The following NUMBL variants were observed in gnomAD, a reference collection of about 807,000 sequenced individuals.
NUMBL encodes the protein NUMB like endocytic adaptor protein.
In NUMBL, 20 loss-of-function variants were observed where a neutral mutation model predicts 48.9. The observed-to-expected ratio is 0.41, with a 90% CI of 0.29 to 0.59. The LOEUF (loss-of-function observed/expected upper bound fraction) is 0.59. NUMBL is among the 20% of genes least tolerant of loss of function. The probability of loss-of-function intolerance (pLI) is 0.31; values close to 1 mark genes in which losing one functional copy is unlikely to be tolerated. For synonymous variants in NUMBL, 340 were observed against 348.7 expected, an observed-to-expected ratio of 0.98 and a Z score of 0.28; for missense variants, 660 against 846.2, an observed-to-expected ratio of 0.78 and a Z score of 2.73.
rs2081960062 is a variant in NUMBL at position 40,690,491 on chromosome 19, C to T, written c.-8G>A. The stretch of plus-strand genomic sequence containing the variant: ...CGCCGCGCTGCGGGACATCCAGGGC[C>T]CGGGCGCCCCCGCCTCCCGCGGCCC... On this transcript the variant is annotated 5_prime_UTR_variant, in exon 1 of 10. Transcript: ENST00000252891. The T allele has an allele frequency of 2.3e-6, 3 of 1,283,898 alleles. No homozygotes were observed. The South Asian group carries it at 7.8e-5, about 33-fold the overall frequency. The allele number at this position is 1,283,898 out of a possible 1,614,324, so 79.5% of individuals were successfully genotyped here.
chr19:40,671,394 T>C (rs1257910068), intron 8 of NUMBL, among the ~76,000 whole-genome samples: 1 of 151,842 alleles, frequency 6.6e-6, no homozygotes, highest in Non-Finnish European at 1.5e-5. Flanking sequence ...GCAATGTCTA[T>C]GTGAGTATGT....
Position 40,666,016 on chromosome 19 carries a change from CA to C in NUMBL, c.*1451del, listed in dbSNP as rs2081803890. 6.6e-6 allele frequency: 1 copy of C among 152,140 alleles called. No individual in the cohort carries two copies. The highest frequency in any genetic ancestry group is 6.6e-5 in the Admixed American group (1 of 15,262). 9.4% of individuals were successfully genotyped at this position (152,140 alleles called of 1,614,324 possible). On this transcript the variant is annotated 3_prime_UTR_variant, in exon 10 of 10. Coordinates refer to ENST00000252891, the MANE Select transcript of NUMBL (RefSeq NM_004756.5). ...GCAAGACTGTAAAACGTTGCCACATCAGGTGACACTTTGGCCAGAGTTATGG... is the reference window on the plus strand; with the variant it reads ...GCAAGACTGTAAAACGTTGCCACATCGGTGACACTTTGGCCAGAGTTATGG...
At chr19:40,676,616 C>T (rs1423445651) in intron 7 of NUMBL, among the ~76,000 whole-genome samples, 4 of 146,912 alleles carry the variant, frequency 2.7e-5, no homozygotes, top group African/African-American at 1.0e-4. Context: ...TGCTTGAACC[C>T]GGGAGGTGGA....
At position 40,667,205 on chromosome 19, in the gene NUMBL, T is replaced by G; in HGVS notation, c.*263A>C. On this transcript the variant is annotated 3_prime_UTR_variant, in exon 10 of 10. Transcript: ENST00000252891. This position sits in a 1 kb window ranked among gnomAD's most constrained non-coding sequence, Gnocchi z 6.1. The stretch of plus-strand genomic sequence containing the variant: ...TTGTGGCCAACCCCTGTGTCTGGGG[T>G]TGGGGAAGGGGGCATTGCCAGCCTA... 2 of 471,902 alleles carry G rather than the reference T, an allele frequency of 4.2e-6. No individual in the cohort carries two copies. Among genetic ancestry groups the G allele is most frequent in the Admixed American group, 3.7e-5 (1 of 27,026 alleles). 29.2% of individuals were successfully genotyped at this position (471,902 alleles called of 1,614,324 possible).
intron 3 of NUMBL, among the ~76,000 whole-genome samples, chr19:40,683,864 C>T (rs1568431486): frequency 6.6e-6 from 1 of 151,920 alleles, no homozygotes; most frequent in Non-Finnish European, 1.5e-5. Context: ...GCAGCCTCGA[C>T]CTTCCTGGAC....
chr19:40,690,438 C>G (rs1306059951), intron 1 of NUMBL, 22 bp downstream of exon 1: 1 of 1,242,808 alleles, frequency 8.0e-7, no homozygotes, highest in Admixed American at 3.8e-5. Flanking sequence ...CGACCCGAGC[C>G]CCCCTCTCCC....
At position 40,667,652 on chromosome 19, in the gene NUMBL, G is replaced by A. The variant is rs1424576857; in HGVS notation, c.1646C>T (p.Pro549Leu). Reference protein sequence around the residue: ...AFPPPAIPSAPGSQARPRPNG... With the variant: ...AFPPPAIPSALGSQARPRPNG... ...GGGGCGAGGGCGGGCCTGGCTCCCA[G>A]GGGCACTGGGTATGGCAGGGGGCGG... is the stretch of plus-strand genomic sequence containing the variant. Residue 549 changes from proline to leucine, a missense_variant, in exon 10 of 10, where the codon CCT becomes CTT. This residue lies in a region of NUMBL where 296 missense variants were observed against 339.7 expected (regional missense o/e 0.87). Coordinates refer to ENST00000252891, the MANE Select transcript of NUMBL (RefSeq NM_004756.5). This position sits in a 1 kb window ranked among gnomAD's most constrained non-coding sequence, Gnocchi z 6.1. 1.3e-6 allele frequency: 2 copies of A among 1,562,222 alleles called. No homozygotes were observed. Among genetic ancestry groups the A allele is most frequent in the Non-Finnish European group, 1.7e-6 (2 of 1,153,300 alleles).
intron 2 of NUMBL, chr19:40,686,120 G>C: frequency 6.6e-6 from 1 of 152,072 alleles, no homozygotes; most frequent in East Asian, 1.9e-4. Context: ...ATGTGGGTCT[G>C]TGTGTGTTGT....
chr19:40,683,185 C>T (rs992694265), intron 3 of NUMBL: 15 of 616,570 alleles, frequency 2.4e-5, no homozygotes, highest in African/African-American at 9.2e-5. Context: ...GTAGTGATTC[C>T]AGTCTAGCTA....
intron 2 of NUMBL, chr19:40,686,269 C>G (rs150028623): frequency 0.012 from 1,885 of 152,628 alleles, 20 homozygotes; most frequent in Non-Finnish European, 0.018. Flanking sequence ...ATTCTCCTGC[C>G]TCAGCCTCCC....
rs998837987 is a variant in NUMBL, at chr19:40,675,979, C to T, written c.730+1253G>A. Among the ~76,000 whole-genome samples the T allele has an allele frequency of 4.6e-5, 7 of 152,184 alleles. No homozygotes were observed. In the East Asian group the frequency reaches 1.4e-3, roughly 30 times the overall value. On this transcript the variant is annotated intron_variant, in intron 7 of 9. Coordinates refer to ENST00000252891, the MANE Select transcript of NUMBL (RefSeq NM_004756.5). ...CTCCTGGGCCCAGGTGATCCTCCTG[C>T]CTCAGCCTCCTGAGGAGCTGGGACC...
At chr19:40,689,052 T>C (rs1809763047) in intron 1 of NUMBL, among the ~76,000 whole-genome samples, 1 of 152,060 alleles carries the variant, frequency 6.6e-6, no homozygotes, top group South Asian at 2.1e-4. Flanking sequence ...CTCACGTATA[T>C]AAAATCAGGT....
Position 40,670,979 on chromosome 19 carries a change from T to G in NUMBL, c.1037-959A>C, listed in dbSNP as rs551410326. ...GAGTGTGTTTCTTTTTTAAAAATAT[T>G]TATTTATTTATTTTTGACACAGGGT... is the stretch of plus-strand genomic sequence containing the variant. On this transcript the variant is annotated intron_variant, in intron 8 of 9. Transcript: ENST00000252891. Among the ~76,000 whole-genome samples, 5 of 152,144 alleles carry G rather than the reference T, an allele frequency of 3.3e-5. No individual in the cohort carries two copies. The East Asian group carries it at 9.6e-4, about 29-fold the overall frequency.
intron 9 of NUMBL, among the ~76,000 whole-genome samples, chr19:40,669,168 C>T (rs1195530099): frequency 6.6e-6 from 1 of 152,142 alleles, no homozygotes; most frequent in Non-Finnish European, 1.5e-5. Flanking sequence ...CAGGTAATCC[C>T]ACGGCTCTAA....
chr19:40,689,765 A>T (rs1384044488), intron 1 of NUMBL, among the ~76,000 whole-genome samples: 2 of 151,922 alleles, frequency 1.3e-5, no homozygotes, highest in Non-Finnish European at 2.9e-5. Context: ...TGGCCTAGGG[A>T]TCCTGTGCCC....
Position 40,667,723 on chromosome 19 carries a change from C to G in NUMBL, c.1575G>C (p.Gln525His), listed in dbSNP as rs759232395. 8.9e-6 allele frequency: 14 copies of G among 1,574,728 alleles called. No individual in the cohort carries two copies. Among genetic ancestry groups the G allele is most frequent in the Non-Finnish European group, 1.2e-5 (14 of 1,160,918 alleles). ...GCAGAGTGGCAGGCTGAGGCTGGAGCTGGGCGGCTGAGCAGAAGGCGTTTG... is the reference window on the plus strand; with the variant it reads ...GCAGAGTGGCAGGCTGAGGCTGGAGGTGGGCGGCTGAGCAGAAGGCGTTTG... ...MVANAFCSAAQLQPQPATLLG... is the reference protein window; with the variant it reads ...MVANAFCSAAHLQPQPATLLG... Residue 525 changes from glutamine (Q) to histidine (H), a missense_variant, in exon 10 of 10, where the codon CAG (glutamine) becomes CAC (histidine). Physicochemically the swap from Gln to His is conservative, Grantham distance 24. This residue lies in a region of NUMBL where 296 missense variants were observed against 339.7 expected (regional missense o/e 0.87). Coordinates refer to ENST00000252891, the MANE Select transcript of NUMBL (RefSeq NM_004756.5). The surrounding 1 kb of genome is among the most constrained non-coding windows in gnomAD (Gnocchi z 6.1).
chr19:40,686,591 A>G (rs1034756149), intron 2 of NUMBL, among the ~76,000 whole-genome samples: 1 of 152,050 alleles, frequency 6.6e-6, no homozygotes, highest in African/African-American at 2.4e-5. Context: ...AGTGTGATGA[A>G]CATCTACTTC....
rs573973443 is a variant in NUMBL, at chr19:40,670,157, G to A, written c.1037-137C>T. On this transcript the variant is annotated intron_variant, in intron 8 of 9. Transcript: ENST00000252891. ...CTGTAGTAACTAAGTGGCCATGACCGCCAAATAACTGTGCATATGTGTGTG... is the reference window on the plus strand; with the variant it reads ...CTGTAGTAACTAAGTGGCCATGACCACCAAATAACTGTGCATATGTGTGTG... The A allele has an allele frequency of 3.7e-5, 38 of 1,022,358 alleles. No homozygotes were observed. The South Asian group carries it at 4.0e-4, about 11-fold the overall frequency. The allele number at this position is 1,022,358 out of a possible 1,614,324, so 63.3% of individuals were successfully genotyped here. A position where few individuals can be genotyped will look rare whatever the true frequency, so the allele number is the denominator to read the frequency against.
chr19:40,684,824 G>A (rs2081926134), intron 2 of NUMBL: 2 of 458,358 alleles, frequency 4.4e-6, no homozygotes, highest in Non-Finnish European at 7.8e-6. Context: ...CTGGGGTGGG[G>A]GGTATGGGGC....
Sources: gnomAD v4.1 joint callset for allele counts (sites outside exome capture counted in the v4.1 genomes callset) on GRCh38, gnomAD v4.1.1 for gene constraint, gnomAD v4.1.1 regional missense constraint, Gnocchi (gnomAD v3.1) non-coding constraint, MANE v1.5 for transcripts, NCBI Gene and HGNC (gene_info 2026-07-23, HGNC 2026-07-21) for gene names.